The following WBP11 variants were observed in gnomAD, a reference collection of about 807,000 sequenced individuals.
WBP11 encodes WW domain binding protein 11, also known as WW domain-binding protein 11.
WBP11 carries 12 observed loss-of-function variants against 66.7 expected under a neutral mutation model. The observed-to-expected ratio is 0.18, with a 90% CI of 0.12 to 0.29. WBP11 has a LOEUF of 0.29. Ranked by LOEUF, WBP11 falls within the 10% of genes least tolerant of loss-of-function variation. The pLI is 1.00. For synonymous variants in WBP11, 255 were observed against 273.8 expected (o/e 0.93, Z 0.68); for missense variants, 555 against 818.3 (o/e 0.68, Z 3.93).
intron 4 of WBP11, among the ~76,000 whole-genome samples, chr12:14,798,682 AT>A (rs528424604): frequency 5.4e-4 from 81 of 149,976 alleles, no homozygotes; most frequent in African/African-American, 1.6e-3. Flanking sequence ...CCATGACTGA[AT>A]TTTTTTTTTG....
chr12:14,795,157 A>T (rs1482323025), intron 5 of WBP11, 53 bp from the exon 6 acceptor site: 1 of 1,482,122 alleles, frequency 6.7e-7, no homozygotes, highest in Non-Finnish European at 8.9e-7. Flanking sequence ...TACTAACTAA[A>T]CACTAAAAAT....
chr12:14,799,630 C>A lies in WBP11; in HGVS notation c.190+5G>T. 1 of 1,612,260 alleles carries A rather than the reference C, an allele frequency of 6.2e-7. No individual in the cohort carries two copies. Among genetic ancestry groups the A allele is most frequent in the Non-Finnish European group, 8.5e-7 (1 of 1,179,214 alleles). ...TGTTATAGCTGCCTGTTTGTAAATT[C>A]TTACCCATTTCATCCAATTTCTCCA... On this transcript the variant is annotated splice_donor_5th_base_variant and intron_variant, in intron 4 of 11. Coordinates refer to ENST00000261167, the MANE Select transcript of WBP11 (RefSeq NM_016312.3).
chr12:14,799,663 G>C lies in WBP11; in HGVS notation c.162C>G (p.Ile54Met), dbSNP rs1191081307. ...TTTCATCCAATTTCTCCATGTCTCG[G>C]ATTATCTGTTTTGGATCCTTCATCT... ...VLKMKDPKQI[I>M]RDMEKLDEME... is the part of the protein sequence containing the mutation. The change falls in exon 4 of 12, where the codon ATC becomes ATG. Residue 54 changes from isoleucine (I) to methionine (M), a missense_variant. Transcript: ENST00000261167. The C allele has an allele frequency of 6.2e-7, 1 of 1,613,336 alleles. No individual in the cohort carries two copies.
At chr12:14,790,120 T>C (rs1442417763) in intron 10 of WBP11, among the ~76,000 whole-genome samples, 2 of 152,246 alleles carry the variant, frequency 1.3e-5, no homozygotes, top group African/African-American at 2.4e-5. Context: ...TACTCCCACC[T>C]GCTGCCAATT....
intron 8 of WBP11, 63 bp from the exon 9 acceptor site, chr12:14,791,333 A>G (rs1251034067): frequency 1.4e-6 from 2 of 1,383,114 alleles, no homozygotes; most frequent in Admixed American, 1.7e-5. Flanking sequence ...AATGTTTACT[A>G]CGTAGCACTA....
chr12:14,798,331 G>C (rs1949916250), intron 4 of WBP11, among the ~76,000 whole-genome samples: 2 of 152,048 alleles, frequency 1.3e-5, no homozygotes, highest in South Asian at 4.2e-4. Context: ...TGTATAATAG[G>C]GACAGTGCAC....
chr12:14,802,930 G>GT (rs1048751961), intron 1 of WBP11, among the ~76,000 whole-genome samples: 1 of 152,170 alleles, frequency 6.6e-6, no homozygotes, highest in East Asian at 1.9e-4. Flanking sequence ...CTGCAGATTA[G>GT]TTTTTTGTCT....
Position 14,799,467 on chromosome 12 carries a change from G to A in WBP11, c.190+168C>T, listed in dbSNP as rs571588818. 842 of 520,782 alleles carry A rather than the reference G, an allele frequency of 1.6e-3. 11 individuals are homozygous for A. The Middle Eastern group carries it at 0.017, about 11-fold the overall frequency. The allele number at this position is 520,782 out of a possible 1,614,324, so 32.3% of individuals were successfully genotyped here. On this transcript the variant is annotated intron_variant, in intron 4 of 11. Coordinates refer to ENST00000261167, the MANE Select transcript of WBP11 (RefSeq NM_016312.3). ...TTCTGGTATCTGGGGTCTCCAGTTT[G>A]CAACAGCCCTCTAGCACTCCATTTT...
chr12:14,797,133 T>C (rs1422382806), intron 4 of WBP11, 130 bp from the exon 5 acceptor site: 2 of 558,600 alleles, frequency 3.6e-6, no homozygotes, highest in Non-Finnish European at 5.6e-6. Context: ...GACATACTCT[T>C]TTCAATTTTA....
At chr12:14,791,874 A>C (rs1468496545) in intron 8 of WBP11, among the ~76,000 whole-genome samples, 1 of 152,164 alleles carries the variant, frequency 6.6e-6, no homozygotes, top group Non-Finnish European at 1.5e-5. Context: ...AAGTGAAGTA[A>C]TTCAGGAATG....
At position 14,787,715 on chromosome 12, in the gene WBP11, T is replaced by C. The variant is rs111986286; in HGVS notation, c.1493-217A>G. Among the ~76,000 whole-genome samples, 29 of 152,330 alleles carry C rather than the reference T, an allele frequency of 1.9e-4. 1 individual carries two copies. Among genetic ancestry groups the C allele is most frequent in the African/African-American group, 6.5e-4 (27 of 41,584 alleles). ...CTATATTCCTGTACTTACAGTATTA[T>C]GTTCTCTTCTTCTCTAAATAACATC... On this transcript the variant is annotated intron_variant, in intron 11 of 11. Coordinates refer to ENST00000261167, the MANE Select transcript of WBP11 (RefSeq NM_016312.3).
rs1949868810 is a variant in WBP11 at position 14,794,676 on chromosome 12, G to C, written c.582C>G (p.Pro194=). 2.5e-6 allele frequency: 4 copies of C among 1,610,852 alleles called. No individual in the cohort carries two copies. Among genetic ancestry groups the C allele is most frequent in the Non-Finnish European group, 3.4e-6 (4 of 1,178,202 alleles). ...GAGGGCCAGGAGGTTTTCTGCCAGG[G>C]GGCAAACGTGGAACACCATGTCCAA... The part of the protein sequence containing the change: ...PLLGHGVPRL[P]PGRKPPGPPP... Residue 194 remains proline, a synonymous_variant, in exon 7 of 12, where the codon CCC becomes CCG. Coordinates refer to ENST00000261167, the MANE Select transcript of WBP11 (RefSeq NM_016312.3).
At chr12:14,802,161 C>T (rs1013945775) in intron 1 of WBP11, 1 of 152,184 alleles carries the variant, frequency 6.6e-6, no homozygotes, top group African/African-American at 2.4e-5. Flanking sequence ...AAAGGGAATA[C>T]TTATTTTTGT....
chr12:14,797,049 C>T, intron 4 of WBP11, 46 bp from the exon 5 acceptor site: 6 of 1,489,166 alleles, frequency 4.0e-6, no homozygotes, highest in Non-Finnish European at 5.4e-6. Context: ...GAGGCCACTT[C>T]AATTAGGTAT....
chr12:14,795,134 T>TA (rs1949876392), intron 5 of WBP11, 30 bp from the exon 6 acceptor site: 5 of 1,527,772 alleles, frequency 3.3e-6, no homozygotes, highest in East Asian at 2.3e-5. Flanking sequence ...AGTAGTATGA[T>TA]AAAAAAGTCA....
intron 8 of WBP11, among the ~76,000 whole-genome samples, chr12:14,792,831 C>CAA (rs77910025): frequency 5.3e-5 from 4 of 75,196 alleles, no homozygotes; most frequent in African/African-American, 1.4e-4. Context: ...GAGATTGTCT[C>CAA]AAAAAAAAAA....
In WBP11 at chr12:14,787,349, C is replaced by T. The variant is rs201015627; in HGVS notation, c.1642G>A (p.Asp548Asn). 808 of 1,612,868 alleles carry T rather than the reference C, an allele frequency of 5.0e-4. 1 individual carries two copies. The highest frequency in any genetic ancestry group is 6.6e-4 in the Non-Finnish European group (783 of 1,179,010). ...PNLIQRPKAD[D>N]TSAATIEKKA... ...TTCTCAATGGTGGCTGCACTTGTAT[C>T]ATCCGCCTTGGGTCGCTGAATCAAG... The change falls in exon 12 of 12, where the codon GAT becomes AAT. Residue 548 changes from aspartate to asparagine, a missense_variant. Physicochemically the swap from Asp to Asn is conservative, Grantham distance 23. Around this residue, in one of 6 missense-constraint regions of WBP11, gnomAD observed 230 missense variants for 286.3 expected, o/e 0.80. Coordinates refer to ENST00000261167, the MANE Select transcript of WBP11 (RefSeq NM_016312.3).
Position 14,787,498 on chromosome 12 carries a change from C to A in WBP11, c.1493G>T (p.Gly498Val), listed in dbSNP as rs1949766435. ...CATGCCAGGACGAGGTGGAGGAATA[C>A]CTAAATGAATAAAATAGGCAAGATG... is the stretch of plus-strand genomic sequence containing the variant. Reference protein sequence around the residue: ...PPRLPPPAPPGIPPPRPGMMR... With the variant: ...PPRLPPPAPPVIPPPRPGMMR... The change falls in exon 12 of 12, where the codon GGT (glycine) becomes GTT (valine). Residue 498 changes from glycine to valine, a missense_variant and splice_region_variant. Physicochemically the swap from Gly to Val is moderately radical, Grantham distance 109. This residue lies in a region of WBP11 where 230 missense variants were observed against 286.3 expected (regional missense o/e 0.80). Coordinates refer to ENST00000261167, the MANE Select transcript of WBP11 (RefSeq NM_016312.3). The A allele has an allele frequency of 1.3e-6, 2 of 1,494,412 alleles. No individual in the cohort carries two copies. Among genetic ancestry groups the A allele is most frequent in the African/African-American group, 1.4e-5 (1 of 71,392 alleles). 92.6% of individuals were successfully genotyped at this position (1,494,412 alleles called of 1,614,324 possible).
Position 14,793,666 on chromosome 12 carries a change from A to C in WBP11, c.913+65T>G, listed in dbSNP as rs574477278. ...GAGTACTCTCACAGATTCATTAATA[A>C]ATTAGGACCTTCAGCTTGTTTTCTC... On this transcript the variant is annotated intron_variant, in intron 8 of 11. Transcript: ENST00000261167. 4.0e-5 allele frequency: 61 copies of C among 1,533,784 alleles called. No individual in the cohort carries two copies. The Admixed American group carries it at 4.7e-4, about 12-fold the overall frequency.
Sources: allele counts gnomAD v4.1 joint callset (sites outside exome capture counted in the v4.1 genomes callset), GRCh38; gene constraint gnomAD v4.1.1; regional missense constraint gnomAD v4.1.1; transcripts MANE v1.5; gene names NCBI Gene and HGNC (gene_info 2026-07-23, HGNC 2026-07-21).